The following MEX3C variants were observed in gnomAD, a reference collection of about 807,000 sequenced individuals.
MEX3C encodes RNA-binding E3 ubiquitin-protein ligase MEX3C.
A neutral mutation model predicts 35.5 loss-of-function variants in MEX3C; 15 were observed. That is an observed-to-expected ratio of 0.42 (90% CI 0.28 to 0.65). The LOEUF (loss-of-function observed/expected upper bound fraction) is 0.65. Among genes scored for constraint, MEX3C ranks in the 30% least tolerant of loss-of-function variants. MEX3C has a pLI of 0.20. For synonymous variants in MEX3C, 390 were observed against 352.8 expected (o/e 1.11, Z -1.18); for missense variants, 711 against 842.8 (o/e 0.84, Z 1.94).
chr18:51,196,248 C>A, intron 1 of MEX3C: 1 of 452,188 alleles, frequency 2.2e-6, no homozygotes, highest in South Asian at 3.0e-5. Flanking sequence ...CGAGCCCGAC[C>A]TTTTACCACC....
At chr18:51,183,233 T>G (rs564178513) in intron 1 of MEX3C, among the ~76,000 whole-genome samples, 2 of 152,362 alleles carry the variant, frequency 1.3e-5, no homozygotes, top group South Asian at 4.1e-4. Context: ...GCAACATATC[T>G]TGGATACTCA....
At position 51,196,555 on chromosome 18, in the gene MEX3C, C is replaced by G; in HGVS notation, c.754+12G>C. On this transcript the variant is annotated intron_variant, in intron 1 of 1. Coordinates refer to ENST00000406189, the MANE Select transcript of MEX3C (RefSeq NM_016626.5). ...GCCATGCCCAGCTGGACCTCCCCACCCCTGCACTCACCCTGGCGGCCGACG... is the reference window on the plus strand; with the variant it reads ...GCCATGCCCAGCTGGACCTCCCCACGCCTGCACTCACCCTGGCGGCCGACG... 1 of 1,570,164 alleles carries G rather than the reference C, an allele frequency of 6.4e-7. No individual in the cohort carries two copies. The highest frequency in any genetic ancestry group is 1.2e-5 in the South Asian group (1 of 86,458).
chr18:51,177,129 A>T lies in MEX3C; in HGVS notation c.1202T>A (p.Leu401His). 1 of 1,613,880 alleles carries T rather than the reference A, an allele frequency of 6.2e-7. No individual in the cohort carries two copies. ...IAMRTGNYIE[L>H]NEENDFHYNG... ...GTAATGGAAATCATTCTCTTCATTG[A>T]GCTCTATATAGTTTCCTGTACGCAT... The change falls in exon 2 of 2, where the codon CTC becomes CAC. Residue 401 changes from leucine (L) to histidine (H), a missense_variant. By Grantham distance (99) the Leu-to-His change is moderately conservative. Around this residue, in one of 4 missense-constraint regions of MEX3C, gnomAD observed 187 missense variants for 201.7 expected, o/e 0.93. Transcript: ENST00000406189. This position sits in a 1 kb window ranked among gnomAD's most constrained non-coding sequence, Gnocchi z 4.2.
At chr18:51,192,571 T>C (rs2144558208) in intron 1 of MEX3C, among the ~76,000 whole-genome samples, 1 of 152,316 alleles carries the variant, frequency 6.6e-6, no homozygotes, top group African/African-American at 2.4e-5. Flanking sequence ...TAAACTAATT[T>C]GGATAGTGGT....
chr18:51,182,750 GAAAGA>G lies in MEX3C; in HGVS notation c.755-5179_755-5175del, dbSNP rs1414195623. On this transcript the variant is annotated intron_variant, in intron 1 of 1. Coordinates refer to ENST00000406189, the MANE Select transcript of MEX3C (RefSeq NM_016626.5). Reference sequence around the variant, plus strand: ...GTCCTCTGCCGCTGGGAAAGGGGTTGAAAGAAAAGAAATTAAAATGAAGGTAATCT... The same window carrying G: ...GTCCTCTGCCGCTGGGAAAGGGGTTGAAAGAAATTAAAATGAAGGTAATCT... Among the ~76,000 whole-genome samples, 3 of 152,164 alleles carry G rather than the reference GAAAGA, an allele frequency of 2.0e-5. No individual in the cohort carries two copies. The East Asian group carries it at 5.8e-4, about 29-fold the overall frequency.
At position 51,196,700 on chromosome 18, in the gene MEX3C, G is replaced by A. The variant is rs756180834; in HGVS notation, c.621C>T (p.Pro207=). Residue 207 remains proline (P), a synonymous_variant, in exon 1 of 2, where the codon CCC becomes CCT. Coordinates refer to ENST00000406189, the MANE Select transcript of MEX3C (RefSeq NM_016626.5). ...MAAMLSHAYG[P]GGCGAAAAAL... ...CGGCCGCCGCCGCCCCACAACCGCC[G>A]GGGCCGTAGGCGTGGGACAGCATCG... The A allele has an allele frequency of 2.6e-6, 4 of 1,540,700 alleles. No homozygotes were observed. Among genetic ancestry groups the A allele is most frequent in the South Asian group, 2.4e-5 (2 of 84,268 alleles).
intron 1 of MEX3C, among the ~76,000 whole-genome samples, chr18:51,181,457 C>A (rs149778439): frequency 3.0e-4 from 45 of 152,224 alleles, no homozygotes; most frequent in African/African-American, 1.1e-3. Context: ...GGGAACTGAC[C>A]TATTATTTTC....
At chr18:51,184,110 G>A (rs564032269) in intron 1 of MEX3C, among the ~76,000 whole-genome samples, 1 of 152,234 alleles carries the variant, frequency 6.6e-6, no homozygotes, top group East Asian at 1.9e-4. Flanking sequence ...AATTGCCTAT[G>A]GTGACCCCAA....
rs757721506 is a variant in MEX3C at position 51,176,972 on chromosome 18, G to C, written c.1359C>G (p.Gly453=). 4 of 1,613,882 alleles carry C rather than the reference G, an allele frequency of 2.5e-6. No homozygotes were observed. The highest frequency in any genetic ancestry group is 3.4e-6 in the Non-Finnish European group (4 of 1,179,906). ...TGCTTCCAAAGTAGGAATCTGTAGAGCCACTTCCTAGAGAACTGGAACTAT... is the reference window on the plus strand; with the variant it reads ...TGCTTCCAAAGTAGGAATCTGTAGACCCACTTCCTAGAGAACTGGAACTAT... ...RNDSSSSLGS[G]STDSYFGSNR... Residue 453 remains glycine, a synonymous_variant, in exon 2 of 2, where the codon GGC becomes GGG. Coordinates refer to ENST00000406189, the MANE Select transcript of MEX3C (RefSeq NM_016626.5).
intron 1 of MEX3C, among the ~76,000 whole-genome samples, chr18:51,180,636 C>T (rs1225331679): frequency 6.6e-6 from 1 of 152,250 alleles, no homozygotes; most frequent in East Asian, 1.9e-4. Context: ...CACCACCACA[C>T]CCGGGTAATT....
Position 51,177,359 on chromosome 18 carries a change from G to C in MEX3C, c.972C>G (p.Pro324=). 6.2e-7 allele frequency: 1 copy of C among 1,613,900 alleles called. No individual in the cohort carries two copies. The highest frequency in any genetic ancestry group is 1.3e-5 in the African/African-American group (1 of 75,012). Residue 324 remains proline (P), a synonymous_variant, in exon 2 of 2, where the codon CCC becomes CCG. Coordinates refer to ENST00000406189, the MANE Select transcript of MEX3C (RefSeq NM_016626.5). The surrounding 1 kb of genome is among the most constrained non-coding windows in gnomAD (Gnocchi z 4.2). ...CCCTGACTTGGACGGTGGTTTGACCGGGCAGATTAGGACTACATGATAATC... is the reference window on the plus strand; with the variant it reads ...CCCTGACTTGGACGGTGGTTTGACCCGGCAGATTAGGACTACATGATAATC... ...LGGLSCSPNL[P]GQTTVQVRVP...
chr18:51,181,140 T>C (rs991783820), intron 1 of MEX3C, among the ~76,000 whole-genome samples: 1 of 152,236 alleles, frequency 6.6e-6, no homozygotes, highest in Admixed American at 6.5e-5. Flanking sequence ...AATAATAGAA[T>C]TTATAATCTC....
At position 51,197,223 on chromosome 18, in the gene MEX3C, G is replaced by C. The variant is rs1308425871; in HGVS notation, c.98C>G (p.Pro33Arg). 1.0e-6 allele frequency: 1 copy of C among 998,204 alleles called. No homozygotes were observed. Among genetic ancestry groups the C allele is most frequent in the Non-Finnish European group, 1.2e-6 (1 of 840,666 alleles). 61.8% of individuals were successfully genotyped at this position (998,204 alleles called of 1,614,324 possible). ...GAGCTCCGGGCCGCCCGAGGGCGGC[G>C]GCAGAGGCGGCGGTGGCGGCGGCGG... ...PPPPPPPPPL[P>R]PPSGGPELEG... Residue 33 changes from proline to arginine, a missense_variant, in exon 1 of 2, where the codon CCG becomes CGG. This residue lies in a region of MEX3C where 354 missense variants were observed against 311.6 expected (regional missense o/e 1.14). Coordinates refer to ENST00000406189, the MANE Select transcript of MEX3C (RefSeq NM_016626.5).
Position 51,196,898 on chromosome 18 carries a change from C to T in MEX3C, c.423G>A (p.Leu141=), listed in dbSNP as rs546439179. ...EEAEEEDRSS[L]LLLSPPAATA... ...TGGCCGCGGGCGGCGACAGCAGCAGCAGCGACGACCGGTCCTCCTCCTCTG... is the reference window on the plus strand; with the variant it reads ...TGGCCGCGGGCGGCGACAGCAGCAGTAGCGACGACCGGTCCTCCTCCTCTG... Residue 141 remains leucine, a synonymous_variant, in exon 1 of 2, where the codon CTG becomes CTA. Transcript: ENST00000406189. The T allele has an allele frequency of 1.6e-4, 243 of 1,542,048 alleles. 4 individuals are homozygous for T. In the South Asian group the frequency reaches 2.7e-3, roughly 17 times the overall value.
chr18:51,177,133 CTA>C lies in MEX3C; in HGVS notation c.1196_1197del (p.Ile399ArgfsTer4). ...MHIAMRTGNY[I>X]ELNEENDFHY... is the part of the protein sequence containing the mutation. ...TGGAAATCATTCTCTTCATTGAGCT[CTA>C]TATAGTTTCCTGTACGCATGGCAAT... On this transcript the variant is annotated frameshift_variant, in exon 2 of 2. Transcript: ENST00000406189. LOFTEE classifies it high-confidence loss of function. This position sits in a 1 kb window ranked among gnomAD's most constrained non-coding sequence, Gnocchi z 4.2. 6.2e-7 allele frequency: 1 copy of C among 1,613,912 alleles called. No individual in the cohort carries two copies. The highest frequency in any genetic ancestry group is 8.5e-7 in the Non-Finnish European group (1 of 1,179,890).
rs1219094751 is a variant in MEX3C at position 51,196,715 on chromosome 18, G to A, written c.606C>T (p.Ser202=). 6 of 1,535,436 alleles carry A rather than the reference G, an allele frequency of 3.9e-6. No homozygotes were observed. In the African/African-American group the frequency reaches 6.9e-5, roughly 18 times the overall value. Residue 202 remains serine (S), a synonymous_variant, in exon 1 of 2, where the codon TCC becomes TCT. Coordinates refer to ENST00000406189, the MANE Select transcript of MEX3C (RefSeq NM_016626.5). ...CACAACCGCCGGGGCCGTAGGCGTG[G>A]GACAGCATCGCCGCCATCATGCCCT... ...DAQGMMAAML[S]HAYGPGGCGA... is the part of the protein sequence containing the mutation.
At chr18:51,189,005 T>C (rs984353021) in intron 1 of MEX3C, among the ~76,000 whole-genome samples, 1 of 152,204 alleles carries the variant, frequency 6.6e-6, no homozygotes, top group Non-Finnish European at 1.5e-5. Context: ...TCTCAAACAA[T>C]AATGGCTTGA....
chr18:51,196,200 C>T (rs1912782166), intron 1 of MEX3C: 8 of 315,942 alleles, frequency 2.5e-5, no homozygotes, highest in South Asian at 2.4e-4. Flanking sequence ...CTTGCAATCT[C>T]GAAGCTTTCC....
At chr18:51,190,857 G>A (rs1440509633) in intron 1 of MEX3C, among the ~76,000 whole-genome samples, 1 of 152,080 alleles carries the variant, frequency 6.6e-6, no homozygotes, top group Non-Finnish European at 1.5e-5. Context: ...AGTAACTAAT[G>A]GTAGCATGGG....
Sources: gnomAD v4.1 joint callset for allele counts (sites outside exome capture counted in the v4.1 genomes callset) on GRCh38, gnomAD v4.1.1 for gene constraint, gnomAD v4.1.1 regional missense constraint, Gnocchi (gnomAD v3.1) non-coding constraint, MANE v1.5 for transcripts, NCBI Gene and HGNC (gene_info 2026-07-23, HGNC 2026-07-21) for gene names.